SEPTIN14: variants seen among roughly 807,000 people sequenced by gnomAD.
SEPTIN14 encodes septin 14, also known as septin-14.
A neutral mutation model predicts 53.6 loss-of-function variants in SEPTIN14; 40 were observed. That is an observed-to-expected ratio of 0.75 (90% CI 0.58 to 0.97). SEPTIN14 has a LOEUF of 0.97. SEPTIN14 is among the 50% of genes least tolerant of loss of function. The pLI, the probability that SEPTIN14 is intolerant of heterozygous loss-of-function variation, is 0.00. For missense variants in SEPTIN14, 471 were observed against 508.2 expected (o/e 0.93, Z 0.70); for synonymous variants, 138 against 166.8 (o/e 0.83, Z 1.33).
intron 2 of SEPTIN14, among the ~76,000 whole-genome samples, chr7:55,856,286 T>A (rs1052547333): frequency 2.0e-5 from 3 of 152,184 alleles, no homozygotes; most frequent in Non-Finnish European, 4.4e-5. Context: ...TTTCTGTTCA[T>A]GTATTAATTA....
intron 2 of SEPTIN14, among the ~76,000 whole-genome samples, chr7:55,856,832 G>A (rs1562721991): frequency 6.6e-6 from 1 of 152,114 alleles, no homozygotes; most frequent in Non-Finnish European, 1.5e-5. Context: ...CAACACTTCA[G>A]GAGGCTGAGG....
chr7:55,846,659 G>T (rs377339315), intron 2 of SEPTIN14, 22 bp from the exon 3 acceptor site: 2 of 1,272,876 alleles, frequency 1.6e-6, no homozygotes, highest in Non-Finnish European at 2.2e-6. Flanking sequence ...CAAAAATTTA[G>T]AGTTTTGTGT....
chr7:55,820,089 T>C (rs960782002), intron 6 of SEPTIN14, among the ~76,000 whole-genome samples: 20 of 151,852 alleles, frequency 1.3e-4, no homozygotes, highest in Non-Finnish European at 4.4e-5. Flanking sequence ...AACCTCCACC[T>C]TCCAGGTTCA....
intron 6 of SEPTIN14, among the ~76,000 whole-genome samples, chr7:55,830,743 A>C (rs1040733408): frequency 3.3e-5 from 5 of 152,074 alleles, no homozygotes; most frequent in African/African-American, 1.2e-4. Context: ...AATACCTGGA[A>C]ACATACAACC....
intron 2 of SEPTIN14, among the ~76,000 whole-genome samples, chr7:55,855,701 G>A (rs1174564293): frequency 6.6e-6 from 1 of 151,930 alleles, no homozygotes; most frequent in Non-Finnish European, 1.5e-5. Context: ...GGTTATAGCC[G>A]TGCCACCACG....
intron 2 of SEPTIN14, among the ~76,000 whole-genome samples, chr7:55,855,078 G>C (rs1056837912): frequency 1.3e-5 from 2 of 149,140 alleles, no homozygotes; most frequent in African/African-American, 4.9e-5. Flanking sequence ...GCACTATCTC[G>C]GCTCACTGCA....
At chr7:55,799,953 G>T (rs4487710) in intron 9 of SEPTIN14, among the ~76,000 whole-genome samples, 48,384 of 151,926 alleles carry the variant, frequency 0.32, 7,967 homozygotes, top group East Asian at 0.42. Context: ...AAGGGCACAG[G>T]AACATTCTCC....
intron 8 of SEPTIN14, among the ~76,000 whole-genome samples, chr7:55,806,437 T>G (rs1788610865): frequency 6.6e-6 from 1 of 151,604 alleles, no homozygotes; most frequent in Non-Finnish European, 1.5e-5. Flanking sequence ...CTAATATTTT[T>G]CCATCTTTTT....
intron 5 of SEPTIN14, among the ~76,000 whole-genome samples, chr7:55,836,561 A>C (rs1789210967): frequency 6.6e-6 from 1 of 152,118 alleles, no homozygotes; most frequent in South Asian, 2.1e-4. Flanking sequence ...CAACATGAAC[A>C]AACCCCGTCT....
Position 55,795,714 on chromosome 7 carries a change from C to T in SEPTIN14, c.*199G>A, listed in dbSNP as rs1405406382. On this transcript the variant is annotated 3_prime_UTR_variant, in exon 10 of 10. Coordinates refer to ENST00000388975, the MANE Select transcript of SEPTIN14 (RefSeq NM_207366.3). ...AACTCCTGACCTCAGGTGGTCCACCCGCCTCAGCCTCCCAAAGTGCTGGGA... is the reference window on the plus strand; with the variant it reads ...AACTCCTGACCTCAGGTGGTCCACCTGCCTCAGCCTCCCAAAGTGCTGGGA... The T allele has an allele frequency of 2.7e-5, 15 of 556,472 alleles. No individual in the cohort carries two copies. Among genetic ancestry groups the T allele is most frequent in the South Asian group, 4.1e-5 (2 of 48,236 alleles). The allele number at this position is 556,472 out of a possible 1,614,324, so 34.5% of individuals were successfully genotyped here. A position where few individuals can be genotyped will look rare whatever the true frequency, so the allele number is the denominator to read the frequency against.
chr7:55,828,873 CCAAGA>C (rs1789037548), intron 6 of SEPTIN14, among the ~76,000 whole-genome samples: 1 of 152,056 alleles, frequency 6.6e-6, no homozygotes, highest in African/African-American at 2.4e-5. Context: ...TCTAGCAAGG[CCAAGA>C]CAATTTTTCT....
At chr7:55,830,349 A>ATATATATATATATAT (rs71015108) in intron 6 of SEPTIN14, among the ~76,000 whole-genome samples, 1 of 56,848 alleles carries the variant, frequency 1.8e-5, no homozygotes, top group East Asian at 6.0e-4. Context: ...ATATATATAT[A>ATATATATATATATAT]TTTTTTTTTT....
At chr7:55,804,205 C>T (rs1788574233) in intron 9 of SEPTIN14, among the ~76,000 whole-genome samples, 1 of 147,596 alleles carries the variant, frequency 6.8e-6, no homozygotes, top group Admixed American at 6.8e-5. Flanking sequence ...GATGTCATGA[C>T]GTACCCTTGT....
At chr7:55,820,521 T>C (rs1030210176) in intron 6 of SEPTIN14, among the ~76,000 whole-genome samples, 2 of 152,154 alleles carry the variant, frequency 1.3e-5, no homozygotes, top group African/African-American at 2.4e-5. Context: ...AAAGCCTTAA[T>C]AGAAGTGTCA....
rs1306635371 is a variant in SEPTIN14, at chr7:55,819,174, C to T, written c.770G>A (p.Gly257Glu). The T allele has an allele frequency of 4.4e-6, 7 of 1,585,006 alleles. No individual in the cohort carries two copies. The highest frequency in any genetic ancestry group is 1.7e-6 in the Non-Finnish European group (2 of 1,164,774). The change falls in exon 7 of 10, where the codon GGA becomes GAA. Residue 257 changes from glycine to glutamate, a missense_variant. Physicochemically the swap from Gly to Glu is moderately conservative, Grantham distance 98. Coordinates refer to ENST00000388975, the MANE Select transcript of SEPTIN14 (RefSeq NM_207366.3). ...GTGACGGCCTCTGACCATCCTTTTT[C>T]CAACTTTCACTTCATCTGTACTCCC... ...VVGSTDEVKV[G>E]KRMVRGRHYP...
intron 6 of SEPTIN14, among the ~76,000 whole-genome samples, chr7:55,826,640 A>C (rs978946493): frequency 2.6e-5 from 4 of 152,110 alleles, no homozygotes; most frequent in South Asian, 2.1e-4. Context: ...TCTACTAAAA[A>C]TACAAAAATT....
intron 6 of SEPTIN14, among the ~76,000 whole-genome samples, chr7:55,830,634 C>T (rs534654617): frequency 4.0e-5 from 6 of 151,676 alleles, no homozygotes; most frequent in East Asian, 1.9e-4. Flanking sequence ...TGAGCCACCA[C>T]GCCAGGCCCC....
intron 5 of SEPTIN14, among the ~76,000 whole-genome samples, chr7:55,834,847 G>A (rs1305761042): frequency 1.3e-5 from 2 of 152,036 alleles, no homozygotes; most frequent in Non-Finnish European, 2.9e-5. Flanking sequence ...GGGTTTCACC[G>A]TGTTAGCCAG....
chr7:55,819,196 T>G lies in SEPTIN14; in HGVS notation c.748A>C (p.Ser250Arg). 1 of 1,576,708 alleles carries G rather than the reference T, an allele frequency of 6.3e-7. No homozygotes were observed. ...TTTCCAACTTTCACTTCATCTGTAC[T>G]CCCTACCACAGCAAAGGGTAACAGC... The part of the protein sequence containing the change: ...SGLLPFAVVG[S>R]TDEVKVGKRM... Residue 250 changes from serine (S) to arginine (R), a missense_variant, in exon 7 of 10, where the codon AGT becomes CGT. By Grantham distance (110) the Ser-to-Arg change is moderately radical. Transcript: ENST00000388975.
Sources: gnomAD v4.1 joint callset for allele counts (sites outside exome capture counted in the v4.1 genomes callset) on GRCh38, gnomAD v4.1.1 for gene constraint, MANE v1.5 for transcripts, NCBI Gene and HGNC (gene_info 2026-07-23, HGNC 2026-07-21) for gene names.